Variants in FAM227B observed in about 807,000 individuals in gnomAD.
The protein encoded by FAM227B is family with sequence similarity 227 member B, also known as protein FAM227B.
In FAM227B, 88 loss-of-function variants were observed where a neutral mutation model predicts 73.8. That is an observed-to-expected ratio of 1.19 (90% confidence interval 1.00 to 1.42). The LOEUF (loss-of-function observed/expected upper bound fraction) is 1.42, where lower values mean the gene tolerates loss of function less well. Among genes scored for constraint, FAM227B ranks in the 40% most tolerant of loss-of-function variants. FAM227B has a pLI of 0.00. For synonymous variants in FAM227B, 210 were observed against 190.5 expected, an observed-to-expected ratio of 1.10 and a Z score of -0.84; for missense variants, 632 against 590.9, an observed-to-expected ratio of 1.07 and a Z score of -0.72.
intron 10 of FAM227B, among the ~76,000 whole-genome samples, chr15:49,537,293 ATATATGAAAAGACACAGAAG>A (rs2070409509): frequency 2.6e-5 from 4 of 152,140 alleles, no homozygotes; most frequent in Non-Finnish European, 5.9e-5. Flanking sequence ...AGACATACAA[ATATATGAAAAGACACAGAAG>A]TATATGAAAA....
intron 11 of FAM227B, among the ~76,000 whole-genome samples, chr15:49,427,986 G>T (rs557659301): frequency 6.6e-6 from 1 of 151,924 alleles, no homozygotes; most frequent in Non-Finnish European, 1.5e-5. Context: ...GTGTTGTTTT[G>T]TAAAATATTT....
chr15:49,477,658 G>A (rs1382038722), intron 11 of FAM227B, among the ~76,000 whole-genome samples: 1 of 152,184 alleles, frequency 6.6e-6, no homozygotes, highest in Non-Finnish European at 1.5e-5. Context: ...AGGTTTTTGT[G>A]TGGACATAGT....
chr15:49,394,767 G>A (rs1449391226), intron 11 of FAM227B, among the ~76,000 whole-genome samples: 2 of 152,154 alleles, frequency 1.3e-5, no homozygotes, highest in Non-Finnish European at 2.9e-5. Context: ...TGAGTTAGGA[G>A]CAGTAGGAAG....
chr15:49,617,918 TG>T (rs1331938937), intron 1 of FAM227B, among the ~76,000 whole-genome samples: 1 of 152,214 alleles, frequency 6.6e-6, no homozygotes, highest in African/African-American at 2.4e-5. Context: ...GATCTTTTTG[TG>T]AGAAAAGGGG....
chr15:49,406,151 CA>C (rs2048494133), intron 11 of FAM227B, among the ~76,000 whole-genome samples: 1 of 152,168 alleles, frequency 6.6e-6, no homozygotes, highest in Admixed American at 6.5e-5. Flanking sequence ...GACCACTGGT[CA>C]CTGCATTCTG....
intron 10 of FAM227B, among the ~76,000 whole-genome samples, chr15:49,526,747 A>G (rs1312363909): frequency 6.6e-6 from 1 of 152,068 alleles, no homozygotes; most frequent in Admixed American, 6.6e-5. Context: ...ACAAAGGATC[A>G]TCAGAGACTA....
At chr15:49,462,050 T>C (rs945816626) in intron 11 of FAM227B, among the ~76,000 whole-genome samples, 1 of 151,828 alleles carries the variant, frequency 6.6e-6, no homozygotes, top group Non-Finnish European at 1.5e-5. Context: ...ACCTGGCAGG[T>C]GGCGGTTGCA....
chr15:49,422,120 T>TAGAG (rs3075167), intron 11 of FAM227B, among the ~76,000 whole-genome samples: 1,885 of 134,500 alleles, frequency 0.014, 37 homozygotes, highest in African/African-American at 0.044. Flanking sequence ...GCATTTCACA[T>TAGAG]AGAGAGAGAG....
chr15:49,547,499 G>A (rs2152293217), intron 9 of FAM227B, among the ~76,000 whole-genome samples: 1 of 152,266 alleles, frequency 6.6e-6, no homozygotes, highest in Non-Finnish European at 1.5e-5. Context: ...TGGATAAAGA[G>A]TCAAGACCCA....
At chr15:49,385,599 GA>G (rs35705965) in intron 11 of FAM227B, among the ~76,000 whole-genome samples, 24,366 of 133,276 alleles carry the variant, frequency 0.18, 3,176 homozygotes, top group African/African-American at 0.38. Context: ...GTAACACAAT[GA>G]AAAAAAAAAA....
In FAM227B at chr15:49,585,126, C is replaced by A. The variant is rs1191654203; in HGVS notation, c.405+2890G>T. Among the ~76,000 whole-genome samples the A allele has an allele frequency of 2.6e-5, 4 of 152,118 alleles. No individual in the cohort carries two copies. The East Asian group carries it at 7.7e-4, about 29-fold the overall frequency. On this transcript the variant is annotated intron_variant, in intron 5 of 15. Transcript: ENST00000299338. ...CACTGGCCATCAGAGAAATGCAAAT[C>A]AAAACCACAATGAGATACCATCTCA...
intron 11 of FAM227B, among the ~76,000 whole-genome samples, chr15:49,471,081 C>T (rs1369693538): frequency 3.9e-5 from 6 of 152,020 alleles, no homozygotes; most frequent in Non-Finnish European, 7.4e-5. Context: ...TATGCTACAG[C>T]TTATTAGAAA....
chr15:49,488,578 G>A (rs539538910), intron 11 of FAM227B: 1 of 151,892 alleles, frequency 6.6e-6, no homozygotes, highest in East Asian at 1.9e-4. Flanking sequence ...GTTATCATGT[G>A]GTTGCATTTT....
At chr15:49,495,477 T>A (rs2152071884) in intron 11 of FAM227B, among the ~76,000 whole-genome samples, 1 of 152,300 alleles carries the variant, frequency 6.6e-6, no homozygotes, top group Admixed American at 6.5e-5. Flanking sequence ...AACAACAATA[T>A]GACTTAACAA....
intron 11 of FAM227B, among the ~76,000 whole-genome samples, chr15:49,410,432 T>C (rs1292576324): frequency 6.6e-6 from 1 of 152,144 alleles, no homozygotes; most frequent in Non-Finnish European, 1.5e-5. Context: ...ATCTATTTGC[T>C]CTTTTTTAGT....
intron 11 of FAM227B, among the ~76,000 whole-genome samples, chr15:49,397,968 T>G (rs1422420947): frequency 1.3e-5 from 2 of 152,122 alleles, no homozygotes; most frequent in Non-Finnish European, 2.9e-5. Context: ...GCTAACATCA[T>G]AATGACAGGA....
chr15:49,391,906 T>C (rs945166486), intron 11 of FAM227B, among the ~76,000 whole-genome samples: 4 of 152,172 alleles, frequency 2.6e-5, no homozygotes, highest in African/African-American at 9.7e-5. Flanking sequence ...TCTCCTTGCT[T>C]GGCACCCTGC....
chr15:49,374,979 T>C (rs2046066953), intron 11 of FAM227B, among the ~76,000 whole-genome samples: 1 of 152,210 alleles, frequency 6.6e-6, no homozygotes, highest in Non-Finnish European at 1.5e-5. Flanking sequence ...TTTGTATATA[T>C]ATTAAATCTC....
At chr15:49,393,203 T>C (rs1393604333) in intron 11 of FAM227B, among the ~76,000 whole-genome samples, 2 of 152,150 alleles carry the variant, frequency 1.3e-5, no homozygotes, top group Non-Finnish European at 2.9e-5. Context: ...TTTCAAAATG[T>C]GGGGAGAGGG....
Sources: allele counts gnomAD v4.1 joint callset (sites outside exome capture counted in the v4.1 genomes callset), GRCh38; gene constraint gnomAD v4.1.1; transcripts MANE v1.5; gene names NCBI Gene and HGNC (gene_info 2026-07-23, HGNC 2026-07-21).